Variants in MCC observed in about 807,000 individuals in gnomAD.
The protein encoded by MCC is MCC regulator of Wnt signaling pathway.
MCC carries 90 observed loss-of-function variants against 116.2 expected under a neutral mutation model. The ratio of observed to expected loss-of-function variants is 0.77; its 90% CI spans 0.65 to 0.92. The LOEUF (loss-of-function observed/expected upper bound fraction) is 0.92, where lower values mean the gene tolerates loss of function less well. Among genes scored for constraint, MCC ranks in the 40% least tolerant of loss-of-function variants. The pLI, the probability that MCC is intolerant of heterozygous loss-of-function variation, is 0.00. For missense variants in MCC, 1,516 were observed against 1,312.2 expected (o/e 1.16, Z -2.40); for synonymous variants, 578 against 510.5 (o/e 1.13, Z -1.78).
chr5:113,334,982 A>C (rs1273964182), intron 3 of MCC, among the ~76,000 whole-genome samples: 3 of 151,656 alleles, frequency 2.0e-5, no homozygotes, highest in Non-Finnish European at 4.4e-5. Context: ...GTCCTATCCC[A>C]ATTCCCTGAA....
chr5:113,352,341 G>A (rs949656360), intron 2 of MCC, among the ~76,000 whole-genome samples: 2 of 152,074 alleles, frequency 1.3e-5, no homozygotes, highest in African/African-American at 2.4e-5. Context: ...GACAGCCTGT[G>A]TTCACCTCCT....
At chr5:113,290,575 T>C (rs10055089) in intron 3 of MCC, among the ~76,000 whole-genome samples, 68,352 of 152,110 alleles carry the variant, frequency 0.45, 20,425 homozygotes, top group African/African-American at 0.85. Flanking sequence ...CCTAATATTG[T>C]TAAACCTTAA....
chr5:113,257,495 CAG>C (rs1178313821), intron 3 of MCC, among the ~76,000 whole-genome samples: 2 of 152,056 alleles, frequency 1.3e-5, no homozygotes, highest in East Asian at 3.9e-4. Context: ...TGATCAGGAA[CAG>C]AGAGTTTAAG....
chr5:113,176,404 C>A (rs1304216606), intron 3 of MCC, among the ~76,000 whole-genome samples: 2 of 152,238 alleles, frequency 1.3e-5, no homozygotes, highest in Non-Finnish European at 2.9e-5. Flanking sequence ...TGCCAACACT[C>A]AGACATCTGA....
chr5:113,074,599 G>A (rs183856525), intron 11 of MCC, among the ~76,000 whole-genome samples: 1 of 152,342 alleles, frequency 6.6e-6, no homozygotes, highest in Admixed American at 6.5e-5. Context: ...CAAGCTAAAG[G>A]AGGATGTTCG....
At chr5:113,054,249 A>T (rs1316529382) in intron 14 of MCC, among the ~76,000 whole-genome samples, 1 of 152,278 alleles carries the variant, frequency 6.6e-6, no homozygotes, top group African/African-American at 2.4e-5. Context: ...ACAAAGGAAC[A>T]TAATCTAAAA....
intron 1 of MCC, among the ~76,000 whole-genome samples, chr5:113,425,642 A>T (rs938686170): frequency 1.3e-5 from 2 of 152,226 alleles, no homozygotes; most frequent in African/African-American, 2.4e-5. Flanking sequence ...AATATCTACA[A>T]TTGAAGAAAA....
At chr5:113,098,894 C>G (rs939209900) in intron 8 of MCC, among the ~76,000 whole-genome samples, 39 of 152,166 alleles carry the variant, frequency 2.6e-4, no homozygotes, top group Non-Finnish European at 4.1e-4. Flanking sequence ...AAAGGCAAAC[C>G]AGCCTTGTAC....
In MCC at chr5:113,046,710, A is replaced by AAAAAAAAAAAAAAAAAAAAAAAAAAAAG; in HGVS notation, c.2655+2382_2655+2383insCTTTTTTTTTTTTTTTTTTTTTTTTTTT. ...CAAAAAAAAAAAAAAAAAAAAAAAA[A>AAAAAAAAAAAAAAAAAAAAAAAAAAAAG]AGAGAGAGATTTTGAAGGTGTTTGT... On this transcript the variant is annotated intron_variant, in intron 16 of 18. Coordinates refer to ENST00000408903, the MANE Select transcript of MCC (RefSeq NM_001085377.2). 1.5e-3 allele frequency among the ~76,000 whole-genome samples: 152 copies of AAAAAAAAAAAAAAAAAAAAAAAAAAAAG among 102,450 alleles called. 30 individuals carry two copies. Among genetic ancestry groups the AAAAAAAAAAAAAAAAAAAAAAAAAAAAG allele is most frequent in the Non-Finnish European group, 2.3e-3 (120 of 51,336 alleles). 67.2% of individuals were successfully genotyped at this position (102,450 alleles called of 152,430 possible). A position where few individuals can be genotyped will look rare whatever the true frequency, so the allele number is the denominator to read the frequency against.
chr5:113,073,369 C>G (rs1048080081), intron 11 of MCC, among the ~76,000 whole-genome samples: 2 of 152,242 alleles, frequency 1.3e-5, no homozygotes, highest in Admixed American at 6.5e-5. Context: ...CCACTCTTAT[C>G]CCATCCTTCC....
chr5:113,311,366 C>G (rs1413704217), intron 3 of MCC, among the ~76,000 whole-genome samples: 1 of 152,200 alleles, frequency 6.6e-6, no homozygotes, highest in African/African-American at 2.4e-5. Flanking sequence ...GTCATGTTTC[C>G]TCTTACATAT....
chr5:113,186,805 G>A (rs1333681238), intron 3 of MCC, among the ~76,000 whole-genome samples: 2 of 152,032 alleles, frequency 1.3e-5, no homozygotes, highest in African/African-American at 2.4e-5. Flanking sequence ...TCAGAGCAGT[G>A]GTTCTCAACC....
chr5:113,096,168 G>C (rs911246920), intron 8 of MCC, among the ~76,000 whole-genome samples: 1 of 152,194 alleles, frequency 6.6e-6, no homozygotes, highest in Non-Finnish European at 1.5e-5. Context: ...GAGCAGGCTG[G>C]GCATGAGGAG....
rs1165590381 is a variant in MCC at position 113,023,325 on chromosome 5, A to G, written c.*3977T>C. On this transcript the variant is annotated 3_prime_UTR_variant, in exon 19 of 19. Coordinates refer to ENST00000408903, the MANE Select transcript of MCC (RefSeq NM_001085377.2). ...GTTACGCCTCTTCTGTAAACTCTAT[A>G]AGAGTGCTCAAAGGTGAATCAAACT... 3 of 152,252 alleles carry G rather than the reference A, an allele frequency of 2.0e-5. No individual in the cohort carries two copies. The highest frequency in any genetic ancestry group is 7.2e-5 in the African/African-American group (3 of 41,462). 9.4% of individuals were successfully genotyped at this position (152,252 alleles called of 1,614,324 possible).
chr5:113,366,304 A>T (rs1561539695), intron 2 of MCC, among the ~76,000 whole-genome samples: 1 of 152,080 alleles, frequency 6.6e-6, no homozygotes. Context: ...GATAATTTCA[A>T]TAAATGAAAT....
chr5:113,134,200 T>G (rs533929253), intron 5 of MCC, among the ~76,000 whole-genome samples: 1 of 152,346 alleles, frequency 6.6e-6, no homozygotes, highest in Admixed American at 6.5e-5. Flanking sequence ...AGTAGTTTGA[T>G]AGTTCAGGTC....
intron 6 of MCC, among the ~76,000 whole-genome samples, chr5:113,105,936 C>G (rs938207905): frequency 1.4e-4 from 22 of 152,332 alleles, no homozygotes; most frequent in African/African-American, 5.3e-4. Context: ...CACCATGTCC[C>G]TGGGGAGCTT....
rs149496905 is a variant in MCC, at chr5:113,434,381, G to A, written c.171-49169C>T. ...GGCAGCGCTTGGAGAAGCTGAAGTC[G>A]GACAGCTTGATGTTGAAGTCCTTGT... On this transcript the variant is annotated intron_variant, in intron 1 of 18. Transcript: ENST00000408903. This position sits in a 1 kb window ranked among gnomAD's most constrained non-coding sequence, Gnocchi z 4.2. 99 of 1,613,846 alleles carry A rather than the reference G, an allele frequency of 6.1e-5. No individual in the cohort carries two copies. The highest frequency in any genetic ancestry group is 1.4e-4 in the South Asian group (13 of 91,020).
intron 1 of MCC, among the ~76,000 whole-genome samples, chr5:113,444,171 A>C (rs1263700018): frequency 1.3e-5 from 2 of 152,078 alleles, no homozygotes; most frequent in Non-Finnish European, 1.5e-5. Flanking sequence ...AATATGAAAA[A>C]CATTCTTACC....
Sources: allele counts gnomAD v4.1 joint callset (sites outside exome capture counted in the v4.1 genomes callset), GRCh38; gene constraint gnomAD v4.1.1; non-coding constraint Gnocchi (gnomAD v3.1); transcripts MANE v1.5; gene names NCBI Gene and HGNC (gene_info 2026-07-23, HGNC 2026-07-21).